Variants in CCBE1 observed in about 807,000 individuals in gnomAD.
CCBE1 encodes the protein collagen and calcium binding EGF domains 1.
A neutral mutation model predicts 50.0 loss-of-function variants in CCBE1; 37 were observed. That is an observed-to-expected ratio of 0.74 (90% CI 0.57 to 0.97). The LOEUF (loss-of-function observed/expected upper bound fraction) is 0.97, where lower values mean the gene tolerates loss of function less well. Ranked by LOEUF, CCBE1 falls within the 50% of genes least tolerant of loss-of-function variation. CCBE1 has a pLI of 0.00. For synonymous variants in CCBE1, 234 were observed against 203.7 expected (o/e 1.15, Z -1.27); for missense variants, 538 against 523.8 (o/e 1.03, Z -0.26).
chr18:59,663,945 G>A (rs1039920734), intron 2 of CCBE1, among the ~76,000 whole-genome samples: 1 of 152,174 alleles, frequency 6.6e-6, no homozygotes, highest in African/African-American at 2.4e-5. Context: ...AATAAGTTCT[G>A]CTTCAAATGT....
chr18:59,436,190 C>G, intron 10 of CCBE1, 49 bp from the exon 11 acceptor site: 1 of 1,535,862 alleles, frequency 6.5e-7, no homozygotes, highest in East Asian at 2.2e-5. Context: ...ACAGCAATGG[C>G]CTCCGGGGCT....
At chr18:59,505,106 T>C (rs1913808819) in intron 2 of CCBE1, among the ~76,000 whole-genome samples, 1 of 152,176 alleles carries the variant, frequency 6.6e-6, no homozygotes, top group African/African-American at 2.4e-5. Context: ...CTTCCAACTC[T>C]AAAATTTGAT....
chr18:59,549,762 A>G (rs1181242857), intron 2 of CCBE1, among the ~76,000 whole-genome samples: 2 of 152,206 alleles, frequency 1.3e-5, no homozygotes, highest in African/African-American at 4.8e-5. Flanking sequence ...AGCACTTATA[A>G]TCTACAGCTG....
At chr18:59,593,400 A>G (rs1042035520) in intron 2 of CCBE1, among the ~76,000 whole-genome samples, 6 of 152,212 alleles carry the variant, frequency 3.9e-5, no homozygotes, top group African/African-American at 1.4e-4. Context: ...CTTAAGAAAA[A>G]CATGAATAGT....
At chr18:59,543,847 A>AAAAAG (rs1555690359) in intron 2 of CCBE1, among the ~76,000 whole-genome samples, 2,608 of 78,504 alleles carry the variant, frequency 0.033, 120 homozygotes, top group African/African-American at 0.11. Context: ...AAAAAAAAAA[A>AAAAAG]AAAAAAAAAA....
At chr18:59,617,420 C>T (rs1185318768) in intron 2 of CCBE1, among the ~76,000 whole-genome samples, 1 of 152,216 alleles carries the variant, frequency 6.6e-6, no homozygotes, top group African/African-American at 2.4e-5. Context: ...ACGGCAAAGC[C>T]ATCATCTTAA....
intron 2 of CCBE1, among the ~76,000 whole-genome samples, chr18:59,677,651 G>A (rs1372856898): frequency 6.6e-6 from 1 of 152,032 alleles, no homozygotes; most frequent in Non-Finnish European, 1.5e-5. Context: ...GGAGGCAGGA[G>A]GATCACTTGA....
intron 2 of CCBE1, among the ~76,000 whole-genome samples, chr18:59,533,491 T>C (rs1034872875): frequency 8.5e-5 from 13 of 152,208 alleles, no homozygotes; most frequent in African/African-American, 3.1e-4. Context: ...TATATTCACA[T>C]ATACATACCA....
chr18:59,573,728 G>A (rs2144492260), intron 2 of CCBE1, among the ~76,000 whole-genome samples: 1 of 151,886 alleles, frequency 6.6e-6, no homozygotes. Context: ...GCAGAAAATG[G>A]AGTTATTGCT....
rs2008900 is a variant in CCBE1 at position 59,625,123 on chromosome 18, C to G, written c.212+71506G>C. Among the ~76,000 whole-genome samples the G allele has an allele frequency of 8.7e-3, 1,325 of 152,288 alleles. 19 individuals carry two copies. The highest frequency in any genetic ancestry group is 0.03 in the African/African-American group (1,253 of 41,570). ...TGCTATAAAGACAAGGTAAGGTCAA[C>G]ACAGTGGTATAAAAATTGTAGCCAT... On this transcript the variant is annotated intron_variant, in intron 2 of 10. Transcript: ENST00000439986.
intron 2 of CCBE1, among the ~76,000 whole-genome samples, chr18:59,664,829 A>C (rs1343830713): frequency 3.3e-5 from 5 of 152,206 alleles, no homozygotes; most frequent in Non-Finnish European, 5.9e-5. Context: ...ATTCATGGGC[A>C]CTATTAATAA....
At chr18:59,506,157 G>C (rs1913863115) in intron 2 of CCBE1, among the ~76,000 whole-genome samples, 1 of 152,226 alleles carries the variant, frequency 6.6e-6, no homozygotes, top group Non-Finnish European at 1.5e-5. Flanking sequence ...GTCTTTGTGA[G>C]AGACAAAGAA....
At chr18:59,607,763 G>A (rs981580508) in intron 2 of CCBE1, among the ~76,000 whole-genome samples, 2 of 152,114 alleles carry the variant, frequency 1.3e-5, no homozygotes, top group African/African-American at 4.8e-5. Flanking sequence ...CCAGGTTCTG[G>A]ATTTACCTTA....
At chr18:59,513,490 C>G (rs1012972591) in intron 2 of CCBE1, among the ~76,000 whole-genome samples, 15 of 152,140 alleles carry the variant, frequency 9.9e-5, no homozygotes, top group African/African-American at 3.6e-4. Flanking sequence ...ATTTCTCAGG[C>G]TGCTCAGGCC....
At chr18:59,543,556 C>CCG (rs1409328981) in intron 2 of CCBE1, among the ~76,000 whole-genome samples, 2 of 152,144 alleles carry the variant, frequency 1.3e-5, no homozygotes, top group Non-Finnish European at 2.9e-5. Context: ...CCCCGAGAGG[C>CCG]CGGGCGCGGT....
chr18:59,519,971 T>G (rs1365105929), intron 2 of CCBE1, among the ~76,000 whole-genome samples: 3 of 152,194 alleles, frequency 2.0e-5, no homozygotes, highest in African/African-American at 7.2e-5. Context: ...TTGTCAAAGA[T>G]CGGATGGTTG....
At chr18:59,463,227 G>T (rs1911576862) in intron 5 of CCBE1, among the ~76,000 whole-genome samples, 1 of 152,136 alleles carries the variant, frequency 6.6e-6, no homozygotes, top group South Asian at 2.1e-4. Flanking sequence ...ACTGCTGAAG[G>T]TTGGAGGCAC....
rs118132573 is a variant in CCBE1 at position 59,588,001 on chromosome 18, G to A, written c.213-107763C>T. On this transcript the variant is annotated intron_variant, in intron 2 of 10. Transcript: ENST00000439986. Reference sequence around the variant, plus strand: ...ATTAGAGAAGGCTAAGAAGAAATCGGATCCTGATAATGAGTTGGAAGACTT... The same window carrying A: ...ATTAGAGAAGGCTAAGAAGAAATCGAATCCTGATAATGAGTTGGAAGACTT... Among the ~76,000 whole-genome samples the A allele has an allele frequency of 9.0e-3, 1,377 of 152,254 alleles. 7 individuals are homozygous for A. Among genetic ancestry groups the A allele is most frequent in the Middle Eastern group, 0.031 (9 of 294 alleles).
At chr18:59,693,710 C>T (rs1261267716) in intron 2 of CCBE1, among the ~76,000 whole-genome samples, 1 of 152,052 alleles carries the variant, frequency 6.6e-6, no homozygotes, top group Non-Finnish European at 1.5e-5. Context: ...TATACTCAAA[C>T]ATTTTCTAGG....
Sources: allele counts gnomAD v4.1 joint callset (sites outside exome capture counted in the v4.1 genomes callset), GRCh38; gene constraint gnomAD v4.1.1; transcripts MANE v1.5; gene names NCBI Gene and HGNC (gene_info 2026-07-23, HGNC 2026-07-21).